Variants in NTRK3 observed in about 807,000 individuals in gnomAD.
NTRK3 encodes neurotrophic receptor tyrosine kinase 3.
Under a neutral mutation model 91.7 loss-of-function variants are expected in NTRK3, and 24 were observed. The ratio of observed to expected loss-of-function variants is 0.26; its 90% confidence interval spans 0.19 to 0.37. The LOEUF (loss-of-function observed/expected upper bound fraction) is 0.37, where lower values mean the gene tolerates loss of function less well. Ranked by LOEUF, NTRK3 falls within the 10% of genes least tolerant of loss-of-function variation. The probability of loss-of-function intolerance (pLI) is 1.00; values close to 1 mark genes in which losing one functional copy is unlikely to be tolerated. For synonymous variants in NTRK3, 483 were observed against 404.0 expected, an observed-to-expected ratio of 1.20 and a Z score of -2.34; for missense variants, 880 against 1,068.9, an observed-to-expected ratio of 0.82 and a Z score of 2.46.
At chr15:88,099,025 G>C (rs1184931552) in intron 13 of NTRK3, 2 of 231,772 alleles carry the variant, frequency 8.6e-6, no homozygotes, top group East Asian at 6.1e-5. Flanking sequence ...AAGGTGGTAG[G>C]GGTGATGAAC....
exon 19 of NTRK3, chr15:87,872,038 C>T (rs976116752): frequency 1.4e-5 from 3 of 221,808 alleles, no homozygotes; most frequent in Non-Finnish European, 2.7e-5. Context: ...ACAGTGACTT[C>T]AGCACCCAAG....
intron 14 of NTRK3, among the ~76,000 whole-genome samples, chr15:88,000,582 G>C (rs539270492): frequency 1.8e-4 from 28 of 152,210 alleles, no homozygotes; most frequent in African/African-American, 6.7e-4. Flanking sequence ...GCTTATTCTG[G>C]ACAAATCATA....
At chr15:88,213,115 G>A (rs2049408393) in intron 3 of NTRK3, among the ~76,000 whole-genome samples, 2 of 152,148 alleles carry the variant, frequency 1.3e-5, no homozygotes, top group Admixed American at 1.3e-4. Context: ...TTTCTGGTGT[G>A]GATTTTCTTG....
chr15:88,033,364 G>A (rs113299059), intron 13 of NTRK3, among the ~76,000 whole-genome samples: 1 of 150,344 alleles, frequency 6.7e-6, no homozygotes, highest in Admixed American at 6.6e-5. Flanking sequence ...AGGCTGGAGG[G>A]CAGTGGCGCC....
At chr15:87,976,093 A>G (rs768044630) in intron 14 of NTRK3, among the ~76,000 whole-genome samples, 19 of 152,142 alleles carry the variant, frequency 1.2e-4, no homozygotes, top group Admixed American at 8.5e-4. Flanking sequence ...AGAAAAAAAG[A>G]AAGCTCAAAT....
rs1297223920 is a variant in NTRK3 at position 88,094,000 on chromosome 15, A to T, written c.1396+32271T>A. 2.0e-5 allele frequency among the ~76,000 whole-genome samples: 3 copies of T among 152,098 alleles called. No individual in the cohort carries two copies. In the East Asian group the frequency reaches 5.8e-4, roughly 29 times the overall value. On this transcript the variant is annotated intron_variant, in intron 13 of 18. Transcript: ENST00000394480. Reference sequence around the variant, plus strand: ...AGGTCACCTGTGTGGTGGTGCCAGGATTTGACCTAAACCCTCCCTAATTCC... The same window carrying T: ...AGGTCACCTGTGTGGTGGTGCCAGGTTTTGACCTAAACCCTCCCTAATTCC...
At chr15:88,009,874 A>C (rs2076750140) in intron 14 of NTRK3, among the ~76,000 whole-genome samples, 1 of 152,190 alleles carries the variant, frequency 6.6e-6, no homozygotes, top group South Asian at 2.1e-4. Flanking sequence ...CCAGTGAGAA[A>C]AAAGCACACT....
At chr15:88,143,145 C>T (rs1010676143) in intron 6 of NTRK3, among the ~76,000 whole-genome samples, 3 of 152,128 alleles carry the variant, frequency 2.0e-5, no homozygotes, top group Admixed American at 6.5e-5. Flanking sequence ...ATCACTTGGA[C>T]CTGGGAGGCG....
intron 14 of NTRK3, among the ~76,000 whole-genome samples, chr15:88,008,074 A>C (rs977772619): frequency 2.0e-5 from 3 of 152,218 alleles, no homozygotes; most frequent in Admixed American, 1.3e-4. Context: ...GTTCCTATTC[A>C]GAAGAGAAGT....
intron 13 of NTRK3, among the ~76,000 whole-genome samples, chr15:88,077,702 T>G (rs182633663): frequency 7.3e-4 from 111 of 152,236 alleles, no homozygotes; most frequent in Non-Finnish European, 1.4e-3. Flanking sequence ...AGGCAGCAAG[T>G]GGGAAGACTG....
chr15:88,135,050 A>C (rs1206564401), intron 10 of NTRK3, 51 bp downstream of exon 10: 22 of 1,605,310 alleles, frequency 1.4e-5, no homozygotes, highest in African/African-American at 2.7e-5. Flanking sequence ...CCCATCTCCC[A>C]AGCTTGTAGA....
chr15:88,103,732 A>C (rs897314602), intron 13 of NTRK3, among the ~76,000 whole-genome samples: 2 of 152,130 alleles, frequency 1.3e-5, no homozygotes, highest in African/African-American at 4.8e-5. Flanking sequence ...CCATCCCCAC[A>C]TGAAAGCGAG....
chr15:88,115,600 C>T (rs2051958988), intron 13 of NTRK3, among the ~76,000 whole-genome samples: 1 of 152,192 alleles, frequency 6.6e-6, no homozygotes, highest in Non-Finnish European at 1.5e-5. Flanking sequence ...CACAGAGGCC[C>T]CTTTGAATTC....
intron 13 of NTRK3, among the ~76,000 whole-genome samples, chr15:88,038,130 A>T (rs2079232099): frequency 1.3e-5 from 2 of 152,194 alleles, no homozygotes; most frequent in South Asian, 4.1e-4. Context: ...CCCTTTTTAA[A>T]GATGTTCCTC....
intron 14 of NTRK3, among the ~76,000 whole-genome samples, chr15:87,987,973 C>A (rs1487400200): frequency 6.6e-6 from 1 of 152,122 alleles, no homozygotes; most frequent in African/African-American, 2.4e-5. Context: ...CGCAGAGACT[C>A]CTCACTCAAG....
intron 13 of NTRK3, among the ~76,000 whole-genome samples, chr15:88,113,769 T>G (rs1310191653): frequency 6.6e-6 from 1 of 152,204 alleles, no homozygotes; most frequent in Non-Finnish European, 1.5e-5. Flanking sequence ...GTTTTCATGC[T>G]ACAACAGCAG....
intron 17 of NTRK3, among the ~76,000 whole-genome samples, chr15:87,892,093 C>CACACACAT (rs1407222156): frequency 6.6e-6 from 1 of 151,348 alleles, no homozygotes. Flanking sequence ...AACACACACA[C>CACACACAT]ACACACACAC....
At position 87,864,401 on chromosome 15, in the gene NTRK3, G is replaced by A. The variant is rs1184672984; in HGVS notation, c.*12534C>T. ...CAGAGAAGGGGCAGATGGTGAGAAA[G>A]CATTGAAATAAGTTCTTGTTGTGCC... is the stretch of plus-strand genomic sequence containing the variant. On this transcript the variant is annotated 3_prime_UTR_variant, in exon 19 of 19. Coordinates refer to ENST00000394480, the Ensembl canonical transcript of NTRK3. 9.5e-5 allele frequency: 22 copies of A among 230,878 alleles called. No homozygotes were observed. In the East Asian group the frequency reaches 1.3e-3, roughly 14 times the overall value. 14.3% of individuals were successfully genotyped at this position (230,878 alleles called of 1,614,324 possible).
At chr15:88,166,238 A>G (rs918641174) in intron 5 of NTRK3, among the ~76,000 whole-genome samples, 4 of 152,120 alleles carry the variant, frequency 2.6e-5, no homozygotes, top group African/African-American at 9.7e-5. Flanking sequence ...ATAAATCACA[A>G]TCCTCGTCCA....
Sources: gnomAD v4.1 joint callset for allele counts (sites outside exome capture counted in the v4.1 genomes callset) on GRCh38, gnomAD v4.1.1 for gene constraint, MANE v1.5 for transcripts, NCBI Gene and HGNC (gene_info 2026-07-23, HGNC 2026-07-21) for gene names.